RAB3IP: variants seen among roughly 807,000 people sequenced by gnomAD.
RAB3IP encodes RAB3A interacting protein.
In RAB3IP, 36 loss-of-function variants were observed where a neutral mutation model predicts 59.1. The observed-to-expected ratio is 0.61, with a 90% CI of 0.47 to 0.80. RAB3IP has a LOEUF of 0.80. RAB3IP is among the 30% of genes least tolerant of loss of function. The probability of loss-of-function intolerance (pLI) is 0.00; values close to 1 mark genes in which losing one functional copy is unlikely to be tolerated. For missense variants in RAB3IP, 511 were observed against 536.0 expected (o/e 0.95, Z 0.46); for synonymous variants, 207 against 191.2 (o/e 1.08, Z -0.68).
At chr12:69,788,690 G>A (rs1400371238) in intron 4 of RAB3IP, among the ~76,000 whole-genome samples, 1 of 152,016 alleles carries the variant, frequency 6.6e-6, no homozygotes, top group Non-Finnish European at 1.5e-5. Flanking sequence ...ACTGCATAAC[G>A]CTATAGACCA....
At chr12:69,771,581 T>G (rs1873125385) in intron 3 of RAB3IP, among the ~76,000 whole-genome samples, 1 of 152,170 alleles carries the variant, frequency 6.6e-6, no homozygotes, top group African/African-American at 2.4e-5. Context: ...TTCCATGTCT[T>G]AGCTTTTGAG....
At chr12:69,797,110 C>T (rs11615099) in intron 6 of RAB3IP, among the ~76,000 whole-genome samples, 45,664 of 152,080 alleles carry the variant, frequency 0.3, 8,157 homozygotes, top group East Asian at 0.62. Context: ...TAAGCATGTC[C>T]GTGTTTTTGT....
intron 8 of RAB3IP, among the ~76,000 whole-genome samples, chr12:69,810,766 A>G (rs1206705650): frequency 6.6e-6 from 1 of 152,198 alleles, no homozygotes; most frequent in Non-Finnish European, 1.5e-5. Flanking sequence ...GTGGAAATTA[A>G]TGGAAAAGGC....
chr12:69,792,865 T>C (rs995528998), intron 4 of RAB3IP, among the ~76,000 whole-genome samples: 1 of 152,222 alleles, frequency 6.6e-6, no homozygotes, highest in Admixed American at 6.5e-5. Context: ...TTTCTAGCTT[T>C]TCTAATCGTT....
intron 8 of RAB3IP, among the ~76,000 whole-genome samples, chr12:69,806,683 C>A (rs185903216): frequency 6.7e-6 from 1 of 149,636 alleles, no homozygotes; most frequent in South Asian, 2.1e-4. Context: ...CAGATAAACA[C>A]GTGAACAAAG....
At position 69,801,680 on chromosome 12, in the gene RAB3IP, C is replaced by A; in HGVS notation, c.1089C>A (p.Ile363=). The A allele has an allele frequency of 1.2e-6, 2 of 1,612,700 alleles. No individual in the cohort carries two copies. The highest frequency in any genetic ancestry group is 1.1e-5 in the South Asian group (1 of 91,020). ...LSIEPVGLQP[I]RFVKASAVEC... ...TTGAACCAGTGGGATTACAACCTAT[C>A]CGGTTTGTGAAAGCTTCTGCAGTTG... is the stretch of plus-strand genomic sequence containing the variant. Residue 363 remains isoleucine (I), a synonymous_variant, in exon 8 of 11, where the codon ATC becomes ATA. Coordinates refer to ENST00000247833, the MANE Select transcript of RAB3IP (RefSeq NM_022456.5).
At position 69,820,088 on chromosome 12, in the gene RAB3IP, T is replaced by C. The variant is rs1039047667; in HGVS notation, c.*4642T>C. 2.0e-5 allele frequency: 3 copies of C among 152,240 alleles called. No individual in the cohort carries two copies. In the East Asian group the frequency reaches 5.8e-4, roughly 29 times the overall value. The allele number at this position is 152,240 out of a possible 1,614,324, so 9.4% of individuals were successfully genotyped here. Reference sequence around the variant, plus strand: ...CGGGTCTGCTTTTATTCATAGGCTTTTGTTTTCAGTGGTTTTTGTTGTTGC... The same window carrying C: ...CGGGTCTGCTTTTATTCATAGGCTTCTGTTTTCAGTGGTTTTTGTTGTTGC... On this transcript the variant is annotated 3_prime_UTR_variant, in exon 11 of 11. Transcript: ENST00000247833.
At chr12:69,753,189 A>C (rs1159699395) in intron 1 of RAB3IP, among the ~76,000 whole-genome samples, 1 of 152,202 alleles carries the variant, frequency 6.6e-6, no homozygotes, top group Non-Finnish European at 1.5e-5. Context: ...TTTTGAAATG[A>C]TACTGAGTCA....
intron 1 of RAB3IP, among the ~76,000 whole-genome samples, chr12:69,745,242 G>A (rs980672487): frequency 6.6e-6 from 1 of 152,136 alleles, no homozygotes; most frequent in African/African-American, 2.4e-5. Flanking sequence ...GTTAACTGCA[G>A]TACTTTTACA....
chr12:69,802,915 G>C (rs1273380363), intron 8 of RAB3IP, among the ~76,000 whole-genome samples: 1 of 152,120 alleles, frequency 6.6e-6, no homozygotes, highest in African/African-American at 2.4e-5. Flanking sequence ...GGTGGCCTCT[G>C]AATTTTAGGG....
intron 3 of RAB3IP, among the ~76,000 whole-genome samples, chr12:69,780,181 G>C (rs1253164533): frequency 6.6e-6 from 1 of 152,192 alleles, no homozygotes; most frequent in Non-Finnish European, 1.5e-5. Context: ...CTGGAAGCCT[G>C]TCCCATTTGC....
At chr12:69,765,363 A>G (rs1276194348) in intron 3 of RAB3IP, among the ~76,000 whole-genome samples, 1 of 152,160 alleles carries the variant, frequency 6.6e-6, no homozygotes, top group Admixed American at 6.5e-5. Context: ...GTTGGATCTT[A>G]TTGAAAGCTT....
intron 3 of RAB3IP, among the ~76,000 whole-genome samples, chr12:69,759,722 A>T (rs1870941185): frequency 7.0e-6 from 1 of 142,274 alleles, no homozygotes; most frequent in Non-Finnish European, 1.5e-5. Flanking sequence ...TCCCTCCCGG[A>T]CGGGGCGGCT....
chr12:69,759,421 C>T (rs1448416416), intron 3 of RAB3IP, among the ~76,000 whole-genome samples: 1 of 152,148 alleles, frequency 6.6e-6, no homozygotes, highest in East Asian at 1.9e-4. Context: ...ATTTCTCTAT[C>T]TTTTCCCCAC....
chr12:69,784,408 AAAG>A (rs1243165415), intron 3 of RAB3IP, among the ~76,000 whole-genome samples: 15 of 150,958 alleles, frequency 9.9e-5, no homozygotes, highest in African/African-American at 2.9e-4. Context: ...TAAAGGAAAA[AAAG>A]AAGTCATTTT....
chr12:69,793,799 G>A (rs907916415), intron 4 of RAB3IP, among the ~76,000 whole-genome samples: 3 of 152,074 alleles, frequency 2.0e-5, no homozygotes, highest in Non-Finnish European at 2.9e-5. Flanking sequence ...TACCTCACAA[G>A]GAGATGACAT....
chr12:69,782,238 C>G (rs1874853533), intron 3 of RAB3IP, among the ~76,000 whole-genome samples: 1 of 152,190 alleles, frequency 6.6e-6, no homozygotes, highest in African/African-American at 2.4e-5. Context: ...GATCTCGGCT[C>G]ACTGCAATCT....
intron 6 of RAB3IP, among the ~76,000 whole-genome samples, chr12:69,798,051 G>C (rs1454092093): frequency 6.6e-6 from 1 of 152,152 alleles, no homozygotes; most frequent in Admixed American, 6.5e-5. Flanking sequence ...TAATGGGATG[G>C]CTGGGTCAAA....
At chr12:69,788,356 A>G (rs1436002960) in intron 4 of RAB3IP, among the ~76,000 whole-genome samples, 2 of 152,166 alleles carry the variant, frequency 1.3e-5, no homozygotes, top group Non-Finnish European at 2.9e-5. Flanking sequence ...ACAAACCTGT[A>G]CAACATGTTA....
Sources: gnomAD v4.1 joint callset for allele counts (sites outside exome capture counted in the v4.1 genomes callset) on GRCh38, gnomAD v4.1.1 for gene constraint, MANE v1.5 for transcripts, NCBI Gene and HGNC (gene_info 2026-07-23, HGNC 2026-07-21) for gene names.